DPP10: variants seen among roughly 807,000 people sequenced by gnomAD.
DPP10 encodes the protein inactive dipeptidyl peptidase 10.
In DPP10, 33 loss-of-function variants were observed where a neutral mutation model predicts 120.9. The observed-to-expected ratio is 0.27, with a 90% CI of 0.21 to 0.37. DPP10 has a LOEUF of 0.37. DPP10 is among the 10% of genes least tolerant of loss of function. The probability of loss-of-function intolerance (pLI) is 1.00; values close to 1 mark genes in which losing one functional copy is unlikely to be tolerated. For synonymous variants in DPP10, 337 were observed against 326.1 expected, an observed-to-expected ratio of 1.03 and a Z score of -0.36; for missense variants, 816 against 942.8, an observed-to-expected ratio of 0.87 and a Z score of 1.76.
intron 1 of DPP10, among the ~76,000 whole-genome samples, chr2:115,224,391 A>G (rs1416459345): frequency 1.3e-5 from 2 of 152,138 alleles, no homozygotes; most frequent in Non-Finnish European, 2.9e-5. Context: ...TAATCTGTGA[A>G]TGTAGGATAA....
chr2:114,507,109 G>A (rs1383493713), intron 1 of DPP10, among the ~76,000 whole-genome samples: 1 of 147,326 alleles, frequency 6.8e-6, no homozygotes, highest in Non-Finnish European at 1.5e-5. Context: ...GTACAGTGGT[G>A]TGATCTTGGC....
At chr2:114,838,920 C>T (rs1015427642) in intron 1 of DPP10, among the ~76,000 whole-genome samples, 1 of 152,148 alleles carries the variant, frequency 6.6e-6, no homozygotes, top group Non-Finnish European at 1.5e-5. Context: ...TGTGTTTTAA[C>T]ATCTCTAAGA....
chr2:115,497,951 A>G (rs1038555780), intron 3 of DPP10, among the ~76,000 whole-genome samples: 1 of 94,204 alleles, frequency 1.1e-5, no homozygotes, highest in South Asian at 3.9e-4. Context: ...GTTAATGATA[A>G]AAAAAAAAGA....
At chr2:115,479,719 C>T (rs917538188) in intron 3 of DPP10, among the ~76,000 whole-genome samples, 1 of 152,048 alleles carries the variant, frequency 6.6e-6, no homozygotes, top group Non-Finnish European at 1.5e-5. Flanking sequence ...CAAATTTGCT[C>T]CAGCTTTATG....
intron 1 of DPP10, among the ~76,000 whole-genome samples, chr2:114,879,053 T>C (rs1473381311): frequency 3.9e-5 from 6 of 152,092 alleles, no homozygotes; most frequent in Non-Finnish European, 8.8e-5. Flanking sequence ...GCAAATAAGT[T>C]TTTCATCTAG....
chr2:115,161,933 G>T, intron 1 of DPP10: 1 of 1,442,396 alleles, frequency 6.9e-7, no homozygotes, highest in South Asian at 1.4e-5. Context: ...GCGAGGAAGC[G>T]AGCGCCAGCG....
intron 3 of DPP10, among the ~76,000 whole-genome samples, chr2:115,462,462 A>C (rs2074045832): frequency 6.6e-6 from 1 of 152,114 alleles, no homozygotes; most frequent in African/African-American, 2.4e-5. Context: ...ATTTCCTAAA[A>C]GGTTAGAATC....
Position 115,741,257 on chromosome 2 carries a change from G to A in DPP10, c.852+1364G>A, listed in dbSNP as rs11885725. 3.4e-4 allele frequency among the ~76,000 whole-genome samples: 51 copies of A among 152,178 alleles called. 2 individuals are homozygous for A. The highest frequency in any genetic ancestry group is 1.2e-3 in the African/African-American group (50 of 41,540). The stretch of plus-strand genomic sequence containing the variant: ...AAGATTATAAAGAGTATGATTCCAT[G>A]ATTTTAAAATGTGATTTATAGGGTC... On this transcript the variant is annotated intron_variant, in intron 9 of 25. Transcript: ENST00000410059.
rs547230071 is a variant in DPP10 at position 115,702,744 on chromosome 2, T to G, written c.576+12823T>G. On this transcript the variant is annotated intron_variant, in intron 7 of 25. Transcript: ENST00000410059. ...AGCTAAAGTATATGGGACTTCTTTT[T>G]GAGATAATGCAAATTTTATAAAATT... 1.2e-4 allele frequency among the ~76,000 whole-genome samples: 18 copies of G among 152,230 alleles called. No individual in the cohort carries two copies. In the East Asian group the frequency reaches 3.5e-3, roughly 29 times the overall value.
At chr2:115,246,278 C>T (rs1202882214) in intron 1 of DPP10, among the ~76,000 whole-genome samples, 1 of 152,058 alleles carries the variant, frequency 6.6e-6, no homozygotes, top group East Asian at 1.9e-4. Context: ...GGCTAGACGA[C>T]AATAATGAAG....
rs55950813 is a variant in DPP10, at chr2:115,734,655, TAAAAAAA to T, written c.698-5063_698-5057del. On this transcript the variant is annotated intron_variant, in intron 8 of 25. Transcript: ENST00000410059. ...TGGGCAACACAGTGAGACTCTGTCT[TAAAAAAA>T]AAAAAAAAAAAAAAAAAAAAGAACT... Among the ~76,000 whole-genome samples, 170 of 100,410 alleles carry T rather than the reference TAAAAAAA, an allele frequency of 1.7e-3. 4 individuals carry two copies. In the East Asian group the frequency reaches 0.02, roughly 12 times the overall value. The allele number at this position is 100,410 out of a possible 152,430, so 65.9% of individuals were successfully genotyped here.
At chr2:115,453,133 G>A (rs1231947765) in intron 3 of DPP10, among the ~76,000 whole-genome samples, 3 of 151,310 alleles carry the variant, frequency 2.0e-5, no homozygotes, top group Non-Finnish European at 3.0e-5. Context: ...AAAATAAGAA[G>A]GGTACATTTT....
intron 1 of DPP10, among the ~76,000 whole-genome samples, chr2:114,457,425 GGTAGCTGTT>G (rs1351715605): frequency 1.3e-5 from 2 of 152,146 alleles, no homozygotes; most frequent in Non-Finnish European, 2.9e-5. Context: ...TGGCTTACAT[GGTAGCTGTT>G]GTTGCAGGTG....
chr2:115,804,814 G>A lies in DPP10; in HGVS notation c.1701-9979G>A, dbSNP rs576108007. Among the ~76,000 whole-genome samples, 6 of 152,270 alleles carry A rather than the reference G, an allele frequency of 3.9e-5. No homozygotes were observed. The East Asian group carries it at 5.8e-4, about 15-fold the overall frequency. On this transcript the variant is annotated intron_variant, in intron 19 of 25. Transcript: ENST00000410059. ...GAAGTTTTGTCTCACAGGAGTACCC[G>A]GCTATGTGAGGTGTCAGTCTGCCCC...
In DPP10 at chr2:114,997,490, C is replaced by CA. The variant is rs1356882267; in HGVS notation, c.61-311740dup. On this transcript the variant is annotated intron_variant, in intron 1 of 25. Coordinates refer to ENST00000410059, the MANE Select transcript of DPP10 (RefSeq NM_020868.6). Reference sequence around the variant, plus strand: ...TTGAGTACAGAGCGAGACTCCGTCTCAAAAAAAAAGAAAAAAAAAAAGAAA... The same window carrying CA: ...TTGAGTACAGAGCGAGACTCCGTCTCAAAAAAAAAAGAAAAAAAAAAAGAAA... 8.3e-4 allele frequency among the ~76,000 whole-genome samples: 62 copies of CA among 74,730 alleles called. 3 individuals carry two copies. In the Middle Eastern group the frequency reaches 0.049, roughly 59 times the overall value. The allele number at this position is 74,730 out of a possible 152,430, so 49.0% of individuals were successfully genotyped here.
chr2:115,715,637 A>G (rs1457709593), intron 7 of DPP10, among the ~76,000 whole-genome samples: 1 of 152,222 alleles, frequency 6.6e-6, no homozygotes, highest in African/African-American at 2.4e-5. Context: ...TGTTTCACAG[A>G]CACATTAGGA....
At chr2:115,262,578 C>T (rs909281253) in intron 1 of DPP10, among the ~76,000 whole-genome samples, 3 of 151,986 alleles carry the variant, frequency 2.0e-5, no homozygotes, top group Non-Finnish European at 4.4e-5. Flanking sequence ...GTTTCTGTTT[C>T]AAACATGAGT....
intron 1 of DPP10, among the ~76,000 whole-genome samples, chr2:114,802,653 A>G (rs1684358477): frequency 6.6e-6 from 1 of 152,192 alleles, no homozygotes; most frequent in South Asian, 2.1e-4. Flanking sequence ...GAAATAAATG[A>G]AATGAAGAGA....
At chr2:115,496,617 TA>T (rs2076408543) in intron 3 of DPP10, among the ~76,000 whole-genome samples, 1 of 152,158 alleles carries the variant, frequency 6.6e-6, no homozygotes, top group Non-Finnish European at 1.5e-5. Flanking sequence ...TTCTCTTGAC[TA>T]GGAATCACCA....
Sources: allele counts gnomAD v4.1 joint callset (sites outside exome capture counted in the v4.1 genomes callset), GRCh38; gene constraint gnomAD v4.1.1; transcripts MANE v1.5; gene names NCBI Gene and HGNC (gene_info 2026-07-23, HGNC 2026-07-21).